The following XYLB variants were observed in gnomAD, a reference collection of about 807,000 sequenced individuals.
The protein encoded by XYLB is xylulose kinase.
Under a neutral mutation model 78.7 loss-of-function variants are expected in XYLB, and 62 were observed. The ratio of observed to expected loss-of-function variants is 0.79; its 90% CI spans 0.64 to 0.97. XYLB has a LOEUF of 0.97. XYLB is among the 50% of genes least tolerant of loss of function. The probability of loss-of-function intolerance (pLI) is 0.00; values close to 1 mark genes in which losing one functional copy is unlikely to be tolerated. For missense variants in XYLB, 687 were observed against 676.8 expected, an observed-to-expected ratio of 1.02 and a Z score of -0.17; for synonymous variants, 245 against 247.4, an observed-to-expected ratio of 0.99 and a Z score of 0.09.
chr3:38,366,659 A>G, intron 6 of XYLB, 149 bp from the exon 7 acceptor site: 1 of 593,846 alleles, frequency 1.7e-6, no homozygotes, highest in Non-Finnish European at 3.0e-6. Context: ...TTACAAGCGC[A>G]CACTACTGTG....
intron 6 of XYLB, 130 bp from the exon 7 acceptor site, chr3:38,366,678 G>C (rs1706279864): frequency 1.6e-6 from 1 of 644,652 alleles, no homozygotes; most frequent in East Asian, 2.8e-5. Flanking sequence ...TGCCTGGTTG[G>C]GGCTTACTTT....
intron 9 of XYLB, among the ~76,000 whole-genome samples, chr3:38,371,383 C>G (rs1278042858): frequency 6.6e-6 from 1 of 152,106 alleles, no homozygotes; most frequent in East Asian, 1.9e-4. Flanking sequence ...ACGCCATTCT[C>G]CTGCCTCAGC....
At chr3:38,375,614 T>C (rs917746335) in intron 12 of XYLB, among the ~76,000 whole-genome samples, 2 of 152,124 alleles carry the variant, frequency 1.3e-5, no homozygotes, top group African/African-American at 2.4e-5. Context: ...CTGTGACCCG[T>C]CTGGCATGTG....
At chr3:38,384,912 G>C (rs1476966227) in intron 15 of XYLB, among the ~76,000 whole-genome samples, 1 of 152,122 alleles carries the variant, frequency 6.6e-6, no homozygotes, top group Non-Finnish European at 1.5e-5. Context: ...CTACCTTTTT[G>C]TTTTCTAATG....
At chr3:38,434,677 A>G in the XYLB span, among the ~76,000 whole-genome samples, 1 of 152,250 alleles carries the variant, frequency 6.6e-6, no homozygotes, top group Non-Finnish European at 1.5e-5. Flanking sequence ...AAGAGCTCAA[A>G]TAGTACCACT....
rs1252543367 is a variant in XYLB, at chr3:38,397,077, T to C, written c.1356T>C (p.Leu452=). The C allele has an allele frequency of 6.2e-7, 1 of 1,614,172 alleles. No individual in the cohort carries two copies. Among genetic ancestry groups the C allele is most frequent in the South Asian group, 1.1e-5 (1 of 91,090 alleles). ...AACCTCTGTGTCCTTTTCAGGTGCT[T>C]GCAGATGTGTTTGATGCCCCGGTGT... The part of the protein sequence containing the change: ...ASHNREILQV[L]ADVFDAPVYV... The change falls in exon 17 of 19, where the codon CTT becomes CTC. Residue 452 remains leucine, a synonymous_variant. Coordinates refer to ENST00000207870, the MANE Select transcript of XYLB (RefSeq NM_005108.4).
At chr3:38,435,314 G>A in the XYLB span, among the ~76,000 whole-genome samples, 452 of 151,444 alleles carry the variant, frequency 3.0e-3, 7 homozygotes, top group African/African-American at 0.01. Context: ...CAGACTTTAA[G>A]TCAAGACCAG....
chr3:38,430,731 A>G, the XYLB span, among the ~76,000 whole-genome samples: 7 of 152,180 alleles, frequency 4.6e-5, no homozygotes, highest in Admixed American at 1.3e-4. Flanking sequence ...TAATTTTTGT[A>G]TGAGGTGTAA....
At chr3:38,387,810 C>T (rs1484852049) in intron 15 of XYLB, among the ~76,000 whole-genome samples, 1 of 152,114 alleles carries the variant, frequency 6.6e-6, no homozygotes, top group Middle Eastern at 3.2e-3. Flanking sequence ...TTCTCTTATA[C>T]TTTCTTATGT....
chr3:38,446,182 T>G, the XYLB span, among the ~76,000 whole-genome samples: 1 of 152,208 alleles, frequency 6.6e-6, no homozygotes, highest in African/African-American at 2.4e-5. Context: ...TATGTCCTGT[T>G]GATTGGTCCA....
At chr3:38,444,246 G>A in the XYLB span, among the ~76,000 whole-genome samples, 1 of 152,144 alleles carries the variant, frequency 6.6e-6, no homozygotes, top group African/African-American at 2.4e-5. Context: ...GGGAGAAGGG[G>A]ACATGTACCT....
chr3:38,406,584 T>C (rs1267562375), intron 18 of XYLB, among the ~76,000 whole-genome samples: 17 of 152,246 alleles, frequency 1.1e-4, no homozygotes, highest in Non-Finnish European at 1.8e-4. Context: ...CAAACTACTC[T>C]GAGCTACAGG....
the XYLB span, among the ~76,000 whole-genome samples, chr3:38,439,440 C>T: frequency 2.6e-4 from 39 of 152,294 alleles, no homozygotes; most frequent in South Asian, 6.2e-4. Flanking sequence ...GGAGAAGCCA[C>T]GTCACCCAAC....
chr3:38,428,661 T>C, the XYLB span, among the ~76,000 whole-genome samples: 1 of 152,228 alleles, frequency 6.6e-6, no homozygotes, highest in Non-Finnish European at 1.5e-5. Flanking sequence ...ATTTGCATGT[T>C]ATATGTTTCT....
At chr3:38,368,122 A>G in intron 7 of XYLB, 63 bp from the exon 8 acceptor site, 1 of 1,514,554 alleles carries the variant, frequency 6.6e-7, no homozygotes, top group Non-Finnish European at 9.2e-7. Flanking sequence ...TGTGTGTCAG[A>G]AGCATTCAGT....
chr3:38,350,087 G>A (rs532048411), intron 2 of XYLB, among the ~76,000 whole-genome samples: 11 of 152,314 alleles, frequency 7.2e-5, no homozygotes, highest in South Asian at 2.1e-4. Context: ...AGGCACCCTC[G>A]TGAGGGCCTG....
downstream of XYLB, among the ~76,000 whole-genome samples, chr3:38,419,603 T>TATATATATATATATATATATAA (rs71085322): frequency 1.3e-3 from 102 of 80,826 alleles, 3 homozygotes; most frequent in South Asian, 2.4e-3. Flanking sequence ...TATATATATA[T>TATATATATATATATATATATAA]AATAGCCATC....
Position 38,413,069 on chromosome 3 carries a change from T to A in XYLB, c.*56T>A. 1 of 1,386,170 alleles carries A rather than the reference T, an allele frequency of 7.2e-7. No homozygotes were observed. The highest frequency in any genetic ancestry group is 2.4e-5 in the East Asian group (1 of 40,914). The allele number at this position is 1,386,170 out of a possible 1,614,324, so 85.9% of individuals were successfully genotyped here. ...GATTTACTGACCCCATTTGTCGACA[T>A]GGCCCCAGACAGGAGGGATCCACTT... On this transcript the variant is annotated 3_prime_UTR_variant, in exon 19 of 19. Transcript: ENST00000207870.
At chr3:38,429,084 A>G in the XYLB span, among the ~76,000 whole-genome samples, 1 of 152,234 alleles carries the variant, frequency 6.6e-6, no homozygotes, top group Non-Finnish European at 1.5e-5. Flanking sequence ...GGTGGCTAAC[A>G]TCCAGTGCTG....
Sources: gnomAD v4.1 joint callset for allele counts (sites outside exome capture counted in the v4.1 genomes callset) on GRCh38, gnomAD v4.1.1 for gene constraint, MANE v1.5 for transcripts, NCBI Gene and HGNC (gene_info 2026-07-23, HGNC 2026-07-21) for gene names.